ARFGEF1: variants seen among roughly 807,000 people sequenced by gnomAD.
ARFGEF1 encodes the protein ARF guanine nucleotide exchange factor 1.
A neutral mutation model predicts 231.0 loss-of-function variants in ARFGEF1; 42 were observed. The ratio of observed to expected loss-of-function variants is 0.18; its 90% CI spans 0.14 to 0.24. The LOEUF is 0.24. ARFGEF1 is among the 10% of genes least tolerant of loss of function. The probability of loss-of-function intolerance (pLI) is 1.00; values close to 1 mark genes in which losing one functional copy is unlikely to be tolerated. For missense variants in ARFGEF1, 1,345 were observed against 2,192.0 expected, an observed-to-expected ratio of 0.61 and a Z score of 7.72; for synonymous variants, 710 against 732.3, an observed-to-expected ratio of 0.97 and a Z score of 0.49.
chr8:67,301,413 A>G, intron 2 of ARFGEF1, 33 bp from the exon 3 acceptor site: 1 of 1,576,182 alleles, frequency 6.3e-7, no homozygotes, highest in East Asian at 2.3e-5. Flanking sequence ...ATTATAGCGT[A>G]TCACATTTAT....
chr8:67,275,883 C>T, intron 9 of ARFGEF1, 93 bp downstream of exon 9: 2 of 1,507,030 alleles, frequency 1.3e-6, no homozygotes, highest in Non-Finnish European at 1.8e-6. Context: ...TTCTATAGGA[C>T]AAAAAGAACA....
intron 1 of ARFGEF1, among the ~76,000 whole-genome samples, chr8:67,308,367 A>T (rs1806841775): frequency 6.6e-6 from 1 of 152,240 alleles, no homozygotes; most frequent in African/African-American, 2.4e-5. Context: ...TTCTTGGCAA[A>T]TGGGAGAGAC....
rs571492428 is a variant in ARFGEF1 at position 67,235,104 on chromosome 8, A to T, written c.3290-2159T>A. Among the ~76,000 whole-genome samples the T allele has an allele frequency of 4.1e-3, 522 of 126,604 alleles. 1 individual carries two copies. Among genetic ancestry groups the T allele is most frequent in the Non-Finnish European group, 6.1e-3 (387 of 63,892 alleles). The allele number at this position is 126,604 out of a possible 152,430, so 83.1% of individuals were successfully genotyped here. A position where few individuals can be genotyped will look rare whatever the true frequency, so the allele number is the denominator to read the frequency against. On this transcript the variant is annotated intron_variant, in intron 22 of 38. Transcript: ENST00000262215. ...TATATATGTGTGTGTGTGTGTGTAT[A>T]TATATACACACACACACACGTGTCA...
Position 67,343,274 on chromosome 8 carries a change from T to C in ARFGEF1, c.14A>G (p.Lys5Arg), listed in dbSNP as rs773513092. The change falls in exon 1 of 39, where the codon AAG (lysine) becomes AGG (arginine). Residue 5 changes from lysine (K) to arginine (R), a missense_variant. Physicochemically the swap from Lys to Arg is conservative, Grantham distance 26 (BLOSUM62 2). Transcript: ENST00000262215. ...GGTCAGGAACATGTTCTTCGTCTTC[T>C]TCCCCTCATACATGGACGCAGAGAA... The part of the protein sequence containing the change: MYEG[K>R]KTKNMFLTRA... The C allele has an allele frequency of 2.4e-5, 39 of 1,613,056 alleles. 1 individual carries two copies. The highest frequency in any genetic ancestry group is 3.3e-5 in the Non-Finnish European group (39 of 1,179,408).
chr8:67,308,977 A>T (rs560911767), intron 1 of ARFGEF1, among the ~76,000 whole-genome samples: 2 of 152,326 alleles, frequency 1.3e-5, no homozygotes, highest in African/African-American at 4.8e-5. Flanking sequence ...CAGTCACAGT[A>T]GCGAAGATAT....
chr8:67,337,137 A>AAC (rs1808384514), intron 1 of ARFGEF1, among the ~76,000 whole-genome samples: 1 of 151,620 alleles, frequency 6.6e-6, no homozygotes, highest in Non-Finnish European at 1.5e-5. Context: ...TCAAAAAAAA[A>AAC]AAAAAAAAAA....
intron 33 of ARFGEF1, 100 bp downstream of exon 33, chr8:67,216,490 C>A: frequency 9.5e-7 from 1 of 1,056,630 alleles, no homozygotes; most frequent in Non-Finnish European, 1.3e-6. Flanking sequence ...TTTTTAATAG[C>A]AGGAATGGAT....
chr8:67,173,849 A>T (rs899194110), downstream of ARFGEF1: 4 of 152,234 alleles, frequency 2.6e-5, no homozygotes, highest in African/African-American at 9.6e-5. Flanking sequence ...AACTGTTTGT[A>T]TTATAAACTA....
chr8:67,231,309 G>C (rs1474993644), intron 23 of ARFGEF1, among the ~76,000 whole-genome samples: 1 of 152,038 alleles, frequency 6.6e-6, no homozygotes, highest in Admixed American at 6.6e-5. Context: ...GCAAAAACTT[G>C]CAATACTGAG....
At position 67,317,801 on chromosome 8, in the gene ARFGEF1, A is replaced by G. The variant is rs111389953; in HGVS notation, c.125-15335T>C. 2.0e-3 allele frequency among the ~76,000 whole-genome samples: 295 copies of G among 150,692 alleles called. 4 individuals are homozygous for G. The highest frequency in any genetic ancestry group is 6.8e-3 in the African/African-American group (280 of 40,994). On this transcript the variant is annotated intron_variant, in intron 1 of 38. Coordinates refer to ENST00000262215, the MANE Select transcript of ARFGEF1 (RefSeq NM_006421.5). ...GTAGTCCCAGCTACTCGGGAGGCTG[A>G]GGCACAAGAATTGCTTGAACCAGGG...
At chr8:67,335,378 C>A (rs1049728315) in intron 1 of ARFGEF1, among the ~76,000 whole-genome samples, 2 of 151,884 alleles carry the variant, frequency 1.3e-5, no homozygotes, top group African/African-American at 4.8e-5. Context: ...GTGCTGGGAT[C>A]ACAGGCGCCA....
intron 14 of ARFGEF1, among the ~76,000 whole-genome samples, chr8:67,261,830 C>A (rs1463087321): frequency 8.5e-6 from 1 of 118,006 alleles, no homozygotes; most frequent in Non-Finnish European, 1.8e-5. Context: ...AATTTCAAGT[C>A]TTTTTTTTTT....
chr8:67,183,549 C>T (rs1362189858), intron 5 of ARFGEF1, among the ~76,000 whole-genome samples: 2 of 152,108 alleles, frequency 1.3e-5, no homozygotes, highest in African/African-American at 4.8e-5. Flanking sequence ...TTCTAAATAA[C>T]GCATAGGTCA....
chr8:67,225,503 CAA>C (rs1839342020), intron 28 of ARFGEF1, among the ~76,000 whole-genome samples: 1 of 152,118 alleles, frequency 6.6e-6, no homozygotes, highest in African/African-American at 2.4e-5. Context: ...ATGACAGTTA[CAA>C]AGATAGATTC....
intron 6 of ARFGEF1, among the ~76,000 whole-genome samples, chr8:67,289,172 A>G (rs879694448): frequency 1.3e-5 from 2 of 152,002 alleles, no homozygotes; most frequent in African/African-American, 4.8e-5. Context: ...TGCTGTCTTG[A>G]GCTACCGTTC....
At chr8:67,195,344 CTG>C, downstream of ARFGEF1, 2 of 1,382,908 alleles carry the variant, frequency 1.4e-6, no homozygotes, top group South Asian at 2.3e-5. Context: ...TGCCTGCCAC[CTG>C]TGTTACCTGA....
At chr8:67,285,540 T>C (rs1013996097) in intron 7 of ARFGEF1, among the ~76,000 whole-genome samples, 17 of 151,796 alleles carry the variant, frequency 1.1e-4, no homozygotes, top group Non-Finnish European at 1.5e-4. Flanking sequence ...AAAAAAACAC[T>C]GGGTGAATAA....
intron 23 of ARFGEF1, among the ~76,000 whole-genome samples, chr8:67,229,493 T>C (rs1839485645): frequency 6.6e-6 from 1 of 152,080 alleles, no homozygotes; most frequent in Non-Finnish European, 1.5e-5. Context: ...TGACTCAGAA[T>C]GTGAAGTCCT....
Position 67,334,014 on chromosome 8 carries a change from T to G in ARFGEF1, c.124+9150A>C, listed in dbSNP as rs1367645701. Among the ~76,000 whole-genome samples the G allele has an allele frequency of 2.0e-5, 3 of 151,472 alleles. No homozygotes were observed. The East Asian group carries it at 5.9e-4, about 30-fold the overall frequency. ...AGCTGAGCATGGTGGCGCATGCCTG[T>G]AATCCCAGCTACTTGGGAGGCTGAG... On this transcript the variant is annotated intron_variant, in intron 1 of 38. Transcript: ENST00000262215.
Sources: allele counts gnomAD v4.1 joint callset (sites outside exome capture counted in the v4.1 genomes callset), GRCh38; gene constraint gnomAD v4.1.1; transcripts MANE v1.5; gene names NCBI Gene and HGNC (gene_info 2026-07-23, HGNC 2026-07-21).